Variants in NFIA observed in about 807,000 individuals in gnomAD.
NFIA encodes the protein nuclear factor 1 A-type.
A neutral mutation model predicts 62.8 loss-of-function variants in NFIA; 8 were observed. The ratio of observed to expected loss-of-function variants is 0.13; its 90% CI spans 0.07 to 0.23. NFIA has a LOEUF of 0.23. Among genes scored for constraint, NFIA ranks in the 10% least tolerant of loss-of-function variants. NFIA has a pLI of 1.00. For synonymous variants in NFIA, 235 were observed against 238.1 expected (o/e 0.99, Z 0.12); for missense variants, 410 against 642.1 (o/e 0.64, Z 3.91).
intron 2 of NFIA, among the ~76,000 whole-genome samples, chr1:61,187,888 C>T (rs1028595396): frequency 8.5e-5 from 13 of 152,138 alleles, no homozygotes; most frequent in African/African-American, 3.1e-4. Context: ...TGCCCTCCTT[C>T]TCCACAGGGT....
At chr1:61,272,551 C>G (rs539991346) in intron 2 of NFIA, among the ~76,000 whole-genome samples, 22 of 152,150 alleles carry the variant, frequency 1.4e-4, no homozygotes, top group Admixed American at 2.6e-4. Context: ...TCTATTACAA[C>G]CTTATAGATG....
At chr1:61,126,398 C>T (rs949110517) in intron 2 of NFIA, among the ~76,000 whole-genome samples, 1 of 150,098 alleles carries the variant, frequency 6.7e-6, no homozygotes, top group Non-Finnish European at 1.5e-5. Flanking sequence ...CCAAAATGGC[C>T]TCTGCCATCT....
At chr1:61,102,068 A>C (rs2100437741) in intron 2 of NFIA, among the ~76,000 whole-genome samples, 1 of 152,354 alleles carries the variant, frequency 6.6e-6, no homozygotes, top group East Asian at 1.9e-4. Flanking sequence ...AGAGCACAGA[A>C]CAAATTATTT....
chr1:61,416,871 G>C (rs933529026), intron 9 of NFIA, among the ~76,000 whole-genome samples: 2 of 152,082 alleles, frequency 1.3e-5, no homozygotes, highest in African/African-American at 4.8e-5. Flanking sequence ...GTTTAGAGGT[G>C]TAATATCATG....
At chr1:61,373,503 C>T (rs1012890250) in intron 6 of NFIA, among the ~76,000 whole-genome samples, 1 of 152,012 alleles carries the variant, frequency 6.6e-6, no homozygotes, top group Non-Finnish European at 1.5e-5. Context: ...CAGGCGTATC[C>T]CAAACATGGA....
At chr1:61,107,095 C>T (rs1646616251) in intron 2 of NFIA, among the ~76,000 whole-genome samples, 1 of 151,452 alleles carries the variant, frequency 6.6e-6, no homozygotes, top group African/African-American at 2.4e-5. Flanking sequence ...AGAAGGTTTC[C>T]AGTTTCTTGG....
intron 2 of NFIA, among the ~76,000 whole-genome samples, chr1:61,103,575 C>T (rs1305311162): frequency 6.6e-6 from 1 of 152,118 alleles, no homozygotes; most frequent in Admixed American, 6.6e-5. Context: ...TGTACCCCCA[C>T]ATAGGGGTGC....
chr1:61,256,559 G>A lies in NFIA; in HGVS notation c.560-20961G>A, dbSNP rs529785685. Among the ~76,000 whole-genome samples the A allele has an allele frequency of 2.0e-5, 3 of 152,160 alleles. No individual in the cohort carries two copies. The East Asian group carries it at 5.8e-4, about 29-fold the overall frequency. ...CTGGGCCGTGGGTTGGACGAGCTTG[G>A]TTTAGTCCCTAAGTGTTGTTCATTT... On this transcript the variant is annotated intron_variant, in intron 2 of 10. Coordinates refer to ENST00000403491, the MANE Select transcript of NFIA (RefSeq NM_001134673.4).
chr1:61,448,465 C>T (rs961293452), intron 10 of NFIA, among the ~76,000 whole-genome samples: 7 of 152,182 alleles, frequency 4.6e-5, no homozygotes, highest in African/African-American at 1.7e-4. Context: ...CCTAAGGCCC[C>T]AGAAACCGTT....
intron 6 of NFIA, among the ~76,000 whole-genome samples, chr1:61,372,031 G>A (rs965609139): frequency 7.9e-5 from 12 of 151,954 alleles, no homozygotes; most frequent in South Asian, 2.1e-4. Flanking sequence ...CCTTGTGTTC[G>A]GTTCCAAAAA....
chr1:61,386,324 G>A (rs569122089), intron 7 of NFIA, among the ~76,000 whole-genome samples: 59 of 152,250 alleles, frequency 3.9e-4, no homozygotes, highest in African/African-American at 1.1e-3. Context: ...GGGCAAAGTT[G>A]CCACAACCCA....
intron 2 of NFIA, among the ~76,000 whole-genome samples, chr1:61,240,540 A>C (rs576588622): frequency 1.3e-5 from 2 of 152,084 alleles, no homozygotes; most frequent in African/African-American, 4.8e-5. Context: ...TTAATCGTAA[A>C]TATTCCCCCC....
At chr1:61,162,975 T>C (rs1649320376) in intron 2 of NFIA, among the ~76,000 whole-genome samples, 1 of 152,144 alleles carries the variant, frequency 6.6e-6, no homozygotes, top group Non-Finnish European at 1.5e-5. Flanking sequence ...TTATCAAGAG[T>C]ACATTATAAA....
intron 3 of NFIA, among the ~76,000 whole-genome samples, chr1:61,314,083 C>T (rs1660247691): frequency 6.6e-6 from 1 of 152,186 alleles, no homozygotes; most frequent in Non-Finnish European, 1.5e-5. Flanking sequence ...TATTGTTATT[C>T]TTACAACCAC....
At chr1:61,359,077 C>A in intron 5 of NFIA, 70 bp from the exon 6 acceptor site, 1 of 1,571,798 alleles carries the variant, frequency 6.4e-7, no homozygotes, top group Non-Finnish European at 8.6e-7. Context: ...TTTCTTTCAA[C>A]CAGAGGTGCA....
intron 10 of NFIA, among the ~76,000 whole-genome samples, chr1:61,436,099 G>T (rs898350965): frequency 1.3e-5 from 2 of 152,146 alleles, no homozygotes; most frequent in African/African-American, 4.8e-5. Flanking sequence ...GTTAAACATG[G>T]ACTCTGAAAA....
chr1:61,078,787 A>C (rs993143265), upstream of NFIA, among the ~76,000 whole-genome samples: 1 of 152,206 alleles, frequency 6.6e-6, no homozygotes, highest in Non-Finnish European at 1.5e-5. Flanking sequence ...TGTTACCACA[A>C]CAACCCCCGT....
In NFIA at chr1:61,458,687, C is replaced by CTTTTTTTT. The variant is rs373669664; in HGVS notation, c.*3377_*3384dup. Reference sequence around the variant, plus strand: ...TTTAAGTTTAAAACTTTCCTGTTTCCTTTTTTTTTTTTTTTTTGTAAGTAT... The same window carrying CTTTTTTTT: ...TTTAAGTTTAAAACTTTCCTGTTTCCTTTTTTTTTTTTTTTTTTTTTTTTTGTAAGTAT... On this transcript the variant is annotated 3_prime_UTR_variant, in exon 11 of 11. Coordinates refer to ENST00000403491, the MANE Select transcript of NFIA (RefSeq NM_001134673.4). The CTTTTTTTT allele has an allele frequency of 1.6e-5, 2 of 127,392 alleles. No homozygotes were observed. Among genetic ancestry groups the CTTTTTTTT allele is most frequent in the African/African-American group, 2.8e-5 (1 of 36,000 alleles). The allele number at this position is 127,392 out of a possible 1,614,324, so 7.9% of individuals were successfully genotyped here.
intron 2 of NFIA, among the ~76,000 whole-genome samples, chr1:61,140,973 T>C (rs987813713): frequency 1.4e-5 from 2 of 148,070 alleles, no homozygotes; most frequent in Non-Finnish European, 3.0e-5. Context: ...GGGTTTTTTT[T>C]TTTTTTTTTT....
Sources: allele counts gnomAD v4.1 joint callset (sites outside exome capture counted in the v4.1 genomes callset), GRCh38; gene constraint gnomAD v4.1.1; transcripts MANE v1.5; gene names NCBI Gene and HGNC (gene_info 2026-07-23, HGNC 2026-07-21).